The following UGT1A10 variants were observed in gnomAD, a reference collection of about 807,000 sequenced individuals.
UGT1A10 encodes the protein UDP glucuronosyltransferase family 1 member A10.
A neutral mutation model predicts 45.8 loss-of-function variants in UGT1A10; 49 were observed. The observed-to-expected ratio is 1.07, with a 90% CI of 0.85 to 1.36. The LOEUF is 1.36. Among genes scored for constraint, UGT1A10 ranks in the 40% most tolerant of loss-of-function variants. UGT1A10 has a pLI of 0.00. For synonymous variants in UGT1A10, 284 were observed against 249.7 expected (o/e 1.14, Z -1.29); for missense variants, 745 against 668.6 (o/e 1.11, Z -1.26).
chr2:233,712,648 C>T (rs968253315), intron 1 of UGT1A10, among the ~76,000 whole-genome samples: 4 of 152,112 alleles, frequency 2.6e-5, no homozygotes, highest in African/African-American at 4.8e-5. Context: ...GCCTGATAAA[C>T]GTGGTTAAGA....
intron 1 of UGT1A10, among the ~76,000 whole-genome samples, chr2:233,746,736 T>A (rs1693464828): frequency 6.6e-6 from 1 of 151,854 alleles, no homozygotes; most frequent in African/African-American, 2.4e-5. Flanking sequence ...GATTCTGCTT[T>A]GGTTCCAAAG....
intron 1 of UGT1A10, chr2:233,717,643 C>T (rs1326962765): frequency 7.7e-6 from 3 of 388,842 alleles, no homozygotes; most frequent in Non-Finnish European, 1.6e-5. Flanking sequence ...CCTGGGGCGA[C>T]CAGGACAAGG....
At chr2:233,700,961 C>T (rs867689514) in intron 1 of UGT1A10, among the ~76,000 whole-genome samples, 2 of 151,736 alleles carry the variant, frequency 1.3e-5, no homozygotes, top group Non-Finnish European at 2.9e-5. Context: ...TGAGTGAGAA[C>T]ATGCGGTGTT....
intron 1 of UGT1A10, among the ~76,000 whole-genome samples, chr2:233,645,204 C>T (rs1225687431): frequency 6.6e-6 from 1 of 152,180 alleles, no homozygotes; most frequent in Non-Finnish European, 1.5e-5. Context: ...GAGACTTATT[C>T]ACTATCAAGA....
intron 1 of UGT1A10, chr2:233,713,205 G>C: frequency 6.2e-7 from 1 of 1,614,240 alleles, no homozygotes; most frequent in Non-Finnish European, 8.5e-7. Context: ...CATCAAAGAA[G>C]AGAACTTTTT....
At chr2:233,650,997 T>C (rs915428803) in intron 1 of UGT1A10, among the ~76,000 whole-genome samples, 3 of 152,228 alleles carry the variant, frequency 2.0e-5, no homozygotes, top group African/African-American at 7.2e-5. Flanking sequence ...CATCGGCAGC[T>C]GTTTGGTAAA....
intron 1 of UGT1A10, among the ~76,000 whole-genome samples, chr2:233,727,549 C>T (rs1232390825): frequency 6.6e-6 from 1 of 152,198 alleles, no homozygotes; most frequent in Non-Finnish European, 1.5e-5. Context: ...CACCCGTCAC[C>T]TGGGCTCATC....
chr2:233,724,791 C>T (rs1433624542), intron 1 of UGT1A10, among the ~76,000 whole-genome samples: 3 of 139,654 alleles, frequency 2.1e-5, no homozygotes, highest in Non-Finnish European at 4.6e-5. Context: ...ACTTCCCAGA[C>T]GGGGTGGCGG....
chr2:233,647,415 AT>A (rs1310455344), intron 1 of UGT1A10, among the ~76,000 whole-genome samples: 1 of 152,174 alleles, frequency 6.6e-6, no homozygotes, highest in Non-Finnish European at 1.5e-5. Context: ...GAATTAGGGC[AT>A]TTCACATCCT....
intron 1 of UGT1A10, among the ~76,000 whole-genome samples, chr2:233,658,234 G>A (rs1428570207): frequency 6.6e-6 from 1 of 152,152 alleles, no homozygotes; most frequent in Admixed American, 6.5e-5. Flanking sequence ...GACCAGGCTG[G>A]CCTCAAACTC....
chr2:233,683,153 T>C (rs955404472), intron 1 of UGT1A10, among the ~76,000 whole-genome samples: 2 of 152,170 alleles, frequency 1.3e-5, no homozygotes, highest in Non-Finnish European at 2.9e-5. Flanking sequence ...TTGTTTTCAA[T>C]TTTTTTGAAA....
At chr2:233,651,797 G>A (rs187595454) in intron 1 of UGT1A10, among the ~76,000 whole-genome samples, 56 of 152,274 alleles carry the variant, frequency 3.7e-4, no homozygotes, top group Middle Eastern at 3.4e-3. Context: ...GTGTGTCCAC[G>A]CGTGTTTGTG....
At chr2:233,739,740 T>C (rs541880710) in intron 1 of UGT1A10, among the ~76,000 whole-genome samples, 25 of 152,316 alleles carry the variant, frequency 1.6e-4, no homozygotes, top group Non-Finnish European at 3.2e-4. Context: ...AGATGAGACC[T>C]TGGACTATGG....
rs910583774 is a variant in UGT1A10 at position 233,730,144 on chromosome 2, T to G, written c.856-36890T>G. The G allele has an allele frequency of 2.1e-5, 31 of 1,508,278 alleles. No individual in the cohort carries two copies. In the East Asian group the frequency reaches 2.9e-4, roughly 14 times the overall value. 93.4% of individuals were successfully genotyped at this position (1,508,278 alleles called of 1,614,324 possible). On this transcript the variant is annotated intron_variant, in intron 1 of 4. Transcript: ENST00000344644. ...CATAATAGCCTTCAGTGAGATAAAC[T>G]GTTAAGGGGTCTCTAGTAGCGTATT...
At chr2:233,688,020 C>A (rs764299629) in intron 1 of UGT1A10, among the ~76,000 whole-genome samples, 1 of 152,224 alleles carries the variant, frequency 6.6e-6, no homozygotes, top group East Asian at 1.9e-4. Context: ...AATCAACCAT[C>A]ACCAATATCT....
At chr2:233,731,192 A>G (rs1451773849) in intron 1 of UGT1A10, among the ~76,000 whole-genome samples, 1 of 152,106 alleles carries the variant, frequency 6.6e-6, no homozygotes, top group African/African-American at 2.4e-5. Context: ...GTAATTATTC[A>G]ATTATAAAAT....
At chr2:233,753,255 C>T (rs1695165382) in intron 1 of UGT1A10, 1 of 152,170 alleles carries the variant, frequency 6.6e-6, no homozygotes, top group Non-Finnish European at 1.5e-5. Context: ...AAGCAACTAC[C>T]CAGGCACCTT....
chr2:233,648,942 T>G (rs1366967815), intron 1 of UGT1A10: 3 of 1,430,374 alleles, frequency 2.1e-6, no homozygotes, highest in African/African-American at 1.4e-5. Context: ...GAATGGACTT[T>G]GTTTTGGAGT....
chr2:233,674,070 T>C (rs1015042043), intron 1 of UGT1A10, among the ~76,000 whole-genome samples: 3 of 152,168 alleles, frequency 2.0e-5, no homozygotes. Context: ...AAACACCTAA[T>C]GTCTAATCTC....
Sources: gnomAD v4.1 joint callset for allele counts (sites outside exome capture counted in the v4.1 genomes callset) on GRCh38, gnomAD v4.1.1 for gene constraint, MANE v1.5 for transcripts, NCBI Gene and HGNC (gene_info 2026-07-23, HGNC 2026-07-21) for gene names.